Variants in URM1 observed in about 807,000 individuals in gnomAD.
URM1 encodes ubiquitin-related modifier 1.
A neutral mutation model predicts 17.7 loss-of-function variants in URM1; 11 were observed. The observed-to-expected ratio is 0.62, with a 90% CI of 0.39 to 1.03. The LOEUF is 1.03. Among genes scored for constraint, URM1 ranks in the 50% least tolerant of loss-of-function variants. The probability of loss-of-function intolerance (pLI) is 0.00; values close to 1 mark genes in which losing one functional copy is unlikely to be tolerated. For missense variants in URM1, 128 were observed against 129.2 expected (o/e 0.99, Z 0.04); for synonymous variants, 48 against 50.6 (o/e 0.95, Z 0.22).
In URM1 at chr9:128,388,290, C is replaced by A. The variant is rs556898115; in HGVS notation, c.188+393C>A. ...TTTTATTTCATTGTAATTTAAATAG[C>A]CACATGCAGCTAGTAGATTACCATA... is the stretch of plus-strand genomic sequence containing the variant. On this transcript the variant is annotated intron_variant, in intron 3 of 4. Transcript: ENST00000372853. 6 of 1,062,472 alleles carry A rather than the reference C, an allele frequency of 5.6e-6. No homozygotes were observed. The African/African-American group carries it at 1.0e-4, about 18-fold the overall frequency. 65.8% of individuals were successfully genotyped at this position (1,062,472 alleles called of 1,614,324 possible).
intron 2 of URM1, among the ~76,000 whole-genome samples, chr9:128,379,267 G>T (rs1833125676): frequency 6.6e-6 from 1 of 152,080 alleles, no homozygotes; most frequent in Non-Finnish European, 1.5e-5. Context: ...AGATCACGAG[G>T]TCAGGAGTTC....
At chr9:128,388,700 C>G (rs1399732668) in intron 3 of URM1, 6 of 986,620 alleles carry the variant, frequency 6.1e-6, no homozygotes, top group Non-Finnish European at 7.2e-6. Context: ...TTGACCTACC[C>G]TGCCTTATGC....
At chr9:128,375,276 C>A (rs1178905993) in intron 1 of URM1, among the ~76,000 whole-genome samples, 1 of 152,126 alleles carries the variant, frequency 6.6e-6, no homozygotes, top group Non-Finnish European at 1.5e-5. Context: ...CTGTGATGTA[C>A]CCACCAGGTC....
chr9:128,379,093 A>T (rs1696069162), intron 2 of URM1, among the ~76,000 whole-genome samples: 1 of 152,204 alleles, frequency 6.6e-6, no homozygotes, highest in South Asian at 2.1e-4. Context: ...ATGGGATTCC[A>T]GTCTCCACCT....
At chr9:128,381,737 C>T (rs1046990183) in intron 2 of URM1, among the ~76,000 whole-genome samples, 1 of 152,116 alleles carries the variant, frequency 6.6e-6, no homozygotes, top group African/African-American at 2.4e-5. Flanking sequence ...TTAGAGAAGT[C>T]AGGGGTCTCA....
At chr9:128,373,385 G>A (rs917392885) in intron 1 of URM1, among the ~76,000 whole-genome samples, 8 of 152,146 alleles carry the variant, frequency 5.3e-5, no homozygotes, top group Admixed American at 5.2e-4. Flanking sequence ...CAGAACTGGA[G>A]CAAATTTGCA....
At chr9:128,384,597 G>A (rs530556744) in intron 2 of URM1, among the ~76,000 whole-genome samples, 1 of 152,266 alleles carries the variant, frequency 6.6e-6, no homozygotes, top group East Asian at 1.9e-4. Flanking sequence ...CTAAAGCTGA[G>A]GTGCCAGGCC....
intron 2 of URM1, among the ~76,000 whole-genome samples, chr9:128,382,872 G>A (rs953035202): frequency 6.6e-6 from 1 of 152,198 alleles, no homozygotes; most frequent in Non-Finnish European, 1.5e-5. Context: ...CCAGCTTAGG[G>A]TATTGCGGCT....
chr9:128,377,367 A>C (rs1400647108), intron 1 of URM1, among the ~76,000 whole-genome samples: 1 of 152,114 alleles, frequency 6.6e-6, no homozygotes, highest in South Asian at 2.1e-4. Context: ...TCTCTACAAA[A>C]AATTTAAAGA....
intron 1 of URM1, among the ~76,000 whole-genome samples, chr9:128,375,933 G>C (rs1234027876): frequency 6.6e-6 from 1 of 152,188 alleles, no homozygotes; most frequent in Non-Finnish European, 1.5e-5. Context: ...CATAGGGAGA[G>C]GTGGAGCCTG....
intron 1 of URM1, among the ~76,000 whole-genome samples, chr9:128,375,602 C>T (rs1297507508): frequency 2.0e-5 from 3 of 152,124 alleles, no homozygotes; most frequent in African/African-American, 7.2e-5. Context: ...CTGTGTCGCC[C>T]AGGCTGCAGT....
intron 1 of URM1, 31 bp downstream of exon 1, chr9:128,371,446 T>C: frequency 3.1e-6 from 5 of 1,606,494 alleles, no homozygotes; most frequent in Non-Finnish European, 3.4e-6. Flanking sequence ...GCCGTGGGGA[T>C]GGATTGAAGT....
chr9:128,377,944 T>TA (rs1564410219), intron 1 of URM1, 92 bp from the exon 2 acceptor site: 1 of 1,378,736 alleles, frequency 7.3e-7, no homozygotes, highest in Non-Finnish European at 1.0e-6. Flanking sequence ...CGGCCTTCAT[T>TA]ACCAGCCCTA....
intron 1 of URM1, among the ~76,000 whole-genome samples, chr9:128,376,483 C>G (rs1009599515): frequency 1.3e-5 from 2 of 150,522 alleles, no homozygotes; most frequent in African/African-American, 4.9e-5. Context: ...AATGGTGAAA[C>G]CCTGTCTCTA....
chr9:128,386,425 A>T (rs959884991), intron 2 of URM1, among the ~76,000 whole-genome samples: 1 of 152,206 alleles, frequency 6.6e-6, no homozygotes, highest in Non-Finnish European at 1.5e-5. Context: ...GAAGACTCTG[A>T]TCTGCTTTGT....
At position 128,391,680 on chromosome 9, in the gene URM1, C is replaced by T. The variant is rs10124503; in HGVS notation, c.*1946C>T. On this transcript the variant is annotated 3_prime_UTR_variant, in exon 5 of 5. Transcript: ENST00000372853. The stretch of plus-strand genomic sequence containing the variant: ...TAGATTTCAGGTCCTGGAAACTGGG[C>T]GCTAGGATCCGTTTCCCTGGCTGCA... 17,662 of 152,220 alleles carry T rather than the reference C, an allele frequency of 0.12. 2,618 individuals carry two copies. Among genetic ancestry groups the T allele is most frequent in the African/African-American group, 0.35 (14,538 of 41,436 alleles). The allele number at this position is 152,220 out of a possible 1,614,324, so 9.4% of individuals were successfully genotyped here.
chr9:128,381,024 C>A (rs1408401784), intron 2 of URM1, among the ~76,000 whole-genome samples: 2 of 152,086 alleles, frequency 1.3e-5, no homozygotes, highest in Non-Finnish European at 2.9e-5. Context: ...CGGGGTTTCA[C>A]CATGTTAGCC....
At chr9:128,388,357 T>G in intron 3 of URM1, 1 of 996,240 alleles carries the variant, frequency 1.0e-6, no homozygotes, top group Non-Finnish European at 1.2e-6. Context: ...TCATTGACTC[T>G]GTGCGTGCAC....
At position 128,371,424 on chromosome 9, in the gene URM1, C is replaced by T; in HGVS notation, c.35+9C>T. 6.2e-7 allele frequency: 1 copy of T among 1,612,762 alleles called. No individual in the cohort carries two copies. The highest frequency in any genetic ancestry group is 8.5e-7 in the Non-Finnish European group (1 of 1,179,098). ...GTGGAGGTGGAGTTCGGGTGAGTCA[C>T]AGAGCTGGGGCGCCGTGGGGATGGA... On this transcript the variant is annotated intron_variant, in intron 1 of 4. Transcript: ENST00000372853.
Sources: gnomAD v4.1 joint callset for allele counts (sites outside exome capture counted in the v4.1 genomes callset) on GRCh38, gnomAD v4.1.1 for gene constraint, MANE v1.5 for transcripts, NCBI Gene and HGNC (gene_info 2026-07-23, HGNC 2026-07-21) for gene names.